EXT1: variants seen among roughly 807,000 people sequenced by gnomAD.
EXT1 encodes the protein exostosin-1.
In EXT1, 20 loss-of-function variants were observed where a neutral mutation model predicts 82.5. The ratio of observed to expected loss-of-function variants is 0.24; its 90% CI spans 0.17 to 0.35. The LOEUF (loss-of-function observed/expected upper bound fraction) is 0.35. Ranked by LOEUF, EXT1 falls within the 10% of genes least tolerant of loss-of-function variation. The pLI is 1.00. For missense variants in EXT1, 757 were observed against 936.5 expected (o/e 0.81, Z 2.50); for synonymous variants, 348 against 350.8 (o/e 0.99, Z 0.09).
At chr8:117,973,886 G>GGAAAGGAAAGGAAAGGAAAGA (rs1815006542) in intron 1 of EXT1, among the ~76,000 whole-genome samples, 1 of 67,320 alleles carries the variant, frequency 1.5e-5, no homozygotes, top group Non-Finnish European at 3.1e-5. Flanking sequence ...GAAAGGAAAG[G>GGAAAGGAAAGGAAAGGAAAGA]AAGGAAAGGA....
intron 1 of EXT1, among the ~76,000 whole-genome samples, chr8:117,897,051 T>G (rs1813352911): frequency 6.6e-6 from 1 of 152,204 alleles, no homozygotes; most frequent in Non-Finnish European, 1.5e-5. Context: ...ATTTCCCTGC[T>G]GGGCACCTAC....
intron 1 of EXT1, among the ~76,000 whole-genome samples, chr8:117,868,432 T>A: frequency 6.6e-6 from 1 of 152,040 alleles, no homozygotes; most frequent in Non-Finnish European, 1.5e-5. Context: ...GTCAGCTTCT[T>A]TAATTTTAAT....
intron 1 of EXT1, among the ~76,000 whole-genome samples, chr8:117,886,517 T>A (rs1238428710): frequency 6.6e-6 from 1 of 152,228 alleles, no homozygotes; most frequent in East Asian, 1.9e-4. Context: ...GGTTGTTGAC[T>A]TAGTAAATAG....
In EXT1 at chr8:118,073,412, G is replaced by T. The variant is rs529058611; in HGVS notation, c.962+36673C>A. Among the ~76,000 whole-genome samples the T allele has an allele frequency of 6.1e-4, 93 of 152,248 alleles. No individual in the cohort carries two copies. In the Middle Eastern group the frequency reaches 0.01, roughly 17 times the overall value. On this transcript the variant is annotated intron_variant, in intron 1 of 10. Transcript: ENST00000378204. ...AAGGTGGGCGGATCACTTGAGGCCA[G>T]GAGTTCAAGACCAGCCTGGCCAACA...
chr8:118,000,621 G>C (rs1055287533), intron 1 of EXT1, among the ~76,000 whole-genome samples: 1 of 152,210 alleles, frequency 6.6e-6, no homozygotes, highest in Non-Finnish European at 1.5e-5. Flanking sequence ...CCTCGCAGCT[G>C]CCCTTTAGCA....
intron 1 of EXT1, among the ~76,000 whole-genome samples, chr8:117,943,209 A>T (rs993545649): frequency 7.9e-5 from 12 of 152,224 alleles, no homozygotes; most frequent in African/African-American, 2.9e-4. Flanking sequence ...TCTTTAATGT[A>T]AACATTGCCT....
chr8:118,046,916 T>G (rs1816631965), intron 1 of EXT1, among the ~76,000 whole-genome samples: 1 of 152,134 alleles, frequency 6.6e-6, no homozygotes, highest in East Asian at 1.9e-4. Context: ...CACCAAGACT[T>G]CCTGAAAATA....
chr8:118,044,739 C>T (rs1321399835), intron 1 of EXT1, among the ~76,000 whole-genome samples: 1 of 152,140 alleles, frequency 6.6e-6, no homozygotes, highest in African/African-American at 2.4e-5. Flanking sequence ...AGGTCTTACT[C>T]TATTACCCAG....
chr8:117,940,261 G>A (rs1482723238), intron 1 of EXT1, among the ~76,000 whole-genome samples: 1 of 152,218 alleles, frequency 6.6e-6, no homozygotes. Context: ...GATGACATAG[G>A]CCGACTGGTG....
intron 8 of EXT1, among the ~76,000 whole-genome samples, chr8:117,810,327 A>T (rs183219286): frequency 8.7e-4 from 133 of 152,328 alleles, no homozygotes; most frequent in African/African-American, 3.0e-3. Flanking sequence ...AGAAAAGAGA[A>T]ATCCTTGCCC....
chr8:117,971,360 G>A (rs1814936458), intron 1 of EXT1, among the ~76,000 whole-genome samples: 1 of 152,154 alleles, frequency 6.6e-6, no homozygotes, highest in Admixed American at 6.5e-5. Flanking sequence ...CTTTGGCCAA[G>A]CCATAAAACA....
At chr8:117,887,533 G>T (rs186366631) in intron 1 of EXT1, among the ~76,000 whole-genome samples, 14 of 152,016 alleles carry the variant, frequency 9.2e-5, no homozygotes, top group African/African-American at 3.1e-4. Flanking sequence ...TGTATTTTTA[G>T]TAGAGACAGG....
intron 1 of EXT1, among the ~76,000 whole-genome samples, chr8:118,090,532 C>G (rs1563652795): frequency 6.6e-6 from 1 of 152,026 alleles, no homozygotes; most frequent in Admixed American, 6.6e-5. Flanking sequence ...AATCCCAGCA[C>G]TTTGGGAGGC....
intron 1 of EXT1, among the ~76,000 whole-genome samples, chr8:117,946,838 T>C (rs954355127): frequency 2.0e-5 from 3 of 152,210 alleles, no homozygotes; most frequent in Non-Finnish European, 2.9e-5. Context: ...GAAACTTATA[T>C]GGAGGAATGA....
chr8:117,914,455 A>G (rs747101131), intron 1 of EXT1, among the ~76,000 whole-genome samples: 2 of 152,138 alleles, frequency 1.3e-5, no homozygotes, highest in Non-Finnish European at 2.9e-5. Flanking sequence ...AGACAACCAT[A>G]AGGTCTGACT....
intron 1 of EXT1, among the ~76,000 whole-genome samples, chr8:117,965,749 T>C (rs1348813361): frequency 6.6e-6 from 1 of 152,192 alleles, no homozygotes; most frequent in Non-Finnish European, 1.5e-5. Flanking sequence ...ATACCCAAAA[T>C]GAAGCTACTT....
intron 1 of EXT1, among the ~76,000 whole-genome samples, chr8:117,933,245 T>C (rs1814095912): frequency 6.6e-6 from 1 of 151,762 alleles, no homozygotes; most frequent in African/African-American, 2.4e-5. Flanking sequence ...TATTTTTTTT[T>C]TTTTTTTTTT....
chr8:117,847,365 C>A (rs1447535099), intron 1 of EXT1, among the ~76,000 whole-genome samples: 1 of 152,156 alleles, frequency 6.6e-6, no homozygotes, highest in Non-Finnish European at 1.5e-5. Context: ...TTTAGTCTTC[C>A]TTTTGTACAT....
intron 1 of EXT1, among the ~76,000 whole-genome samples, chr8:117,857,760 A>T (rs1410733620): frequency 6.6e-6 from 1 of 152,248 alleles, no homozygotes; most frequent in Non-Finnish European, 1.5e-5. Context: ...AATACATTTT[A>T]TAAGGCTATA....
Sources: allele counts gnomAD v4.1 joint callset (sites outside exome capture counted in the v4.1 genomes callset), GRCh38; gene constraint gnomAD v4.1.1; transcripts MANE v1.5; gene names NCBI Gene and HGNC (gene_info 2026-07-23, HGNC 2026-07-21).